The following NCKAP5 variants were observed in gnomAD, a reference collection of about 807,000 sequenced individuals.
NCKAP5 encodes the protein NCK associated protein 5.
Under a neutral mutation model 167.0 loss-of-function variants are expected in NCKAP5, and 92 were observed. The ratio of observed to expected loss-of-function variants is 0.55; its 90% confidence interval spans 0.47 to 0.66. NCKAP5 has a LOEUF of 0.66. Ranked by LOEUF, NCKAP5 falls within the 30% of genes least tolerant of loss-of-function variation. The pLI, the probability that NCKAP5 is intolerant of heterozygous loss-of-function variation, is 0.00. For missense variants in NCKAP5, 2,378 were observed against 2,315.0 expected (o/e 1.03, Z -0.56); for synonymous variants, 891 against 877.4 (o/e 1.02, Z -0.27).
At chr2:133,540,106 G>A (rs185466829) in intron 2 of NCKAP5, among the ~76,000 whole-genome samples, 9 of 151,570 alleles carry the variant, frequency 5.9e-5, no homozygotes, top group African/African-American at 1.7e-4. Context: ...GCTTGAACCC[G>A]GGAGGCAGAG....
At chr2:133,339,604 G>A (rs1029216056) in intron 3 of NCKAP5, among the ~76,000 whole-genome samples, 4 of 152,168 alleles carry the variant, frequency 2.6e-5, no homozygotes, top group Non-Finnish European at 5.9e-5. Context: ...ATTTATTTCT[G>A]CCAAGACAGA....
At chr2:132,862,633 G>A (rs767510860) in intron 10 of NCKAP5, among the ~76,000 whole-genome samples, 7 of 151,836 alleles carry the variant, frequency 4.6e-5, no homozygotes, top group Non-Finnish European at 1.0e-4. Flanking sequence ...AAGTGTGCAC[G>A]CCTGTAGTCC....
chr2:133,650,568 C>A, the NCKAP5 span, among the ~76,000 whole-genome samples: 2 of 152,084 alleles, frequency 1.3e-5, no homozygotes, highest in African/African-American at 4.8e-5. Flanking sequence ...ATGGGGTCAA[C>A]TGTTGTTTAA....
At chr2:132,975,496 C>T (rs759347093) in intron 7 of NCKAP5, among the ~76,000 whole-genome samples, 3 of 152,126 alleles carry the variant, frequency 2.0e-5, no homozygotes, top group African/African-American at 4.8e-5. Context: ...CTATCGGCAA[C>T]ACTTATTTCC....
At chr2:133,558,254 T>C (rs565617249) in intron 2 of NCKAP5, 5 of 152,324 alleles carry the variant, frequency 3.3e-5, no homozygotes, top group East Asian at 1.9e-4. Flanking sequence ...TCTTTTTCTC[T>C]GGTCTCTGGT....
At chr2:133,445,326 C>G (rs183574585) in intron 3 of NCKAP5, among the ~76,000 whole-genome samples, 1 of 152,024 alleles carries the variant, frequency 6.6e-6, no homozygotes, top group African/African-American at 2.4e-5. Context: ...AAAATAAAAT[C>G]CAAAGCAACT....
At chr2:133,140,229 T>A (rs1231843042) in intron 5 of NCKAP5, among the ~76,000 whole-genome samples, 1 of 152,212 alleles carries the variant, frequency 6.6e-6, no homozygotes, top group African/African-American at 2.4e-5. Flanking sequence ...TCCTTTTCTG[T>A]GGAGACAGTA....
At chr2:133,513,485 G>C (rs1048821660) in intron 3 of NCKAP5, among the ~76,000 whole-genome samples, 1 of 152,194 alleles carries the variant, frequency 6.6e-6, no homozygotes, top group African/African-American at 2.4e-5. Flanking sequence ...TGATTGGCCA[G>C]GTAGAGAAGG....
At chr2:133,270,028 G>T (rs2089437264) in intron 4 of NCKAP5, among the ~76,000 whole-genome samples, 1 of 152,134 alleles carries the variant, frequency 6.6e-6, no homozygotes, top group Admixed American at 6.5e-5. Context: ...AGCAAATTTT[G>T]GTGGAAGAAT....
At chr2:133,308,777 C>T (rs1446953421) in intron 3 of NCKAP5, among the ~76,000 whole-genome samples, 12 of 131,380 alleles carry the variant, frequency 9.1e-5, no homozygotes, top group Middle Eastern at 5.2e-3. Flanking sequence ...GGCGCAATCT[C>T]GGCTCACTGC....
At chr2:132,932,379 C>G (rs1696451986) in intron 8 of NCKAP5, among the ~76,000 whole-genome samples, 1 of 151,880 alleles carries the variant, frequency 6.6e-6, no homozygotes, top group Non-Finnish European at 1.5e-5. Context: ...GAAAGTTCCC[C>G]TAATTGTTAA....
intron 6 of NCKAP5, among the ~76,000 whole-genome samples, chr2:133,006,369 T>A (rs1001238425): frequency 6.6e-6 from 1 of 152,252 alleles, no homozygotes; most frequent in Non-Finnish European, 1.5e-5. Context: ...ATGCCAAATG[T>A]AGCTCACTTT....
intron 15 of NCKAP5, among the ~76,000 whole-genome samples, chr2:132,774,133 A>T (rs950870928): frequency 6.6e-6 from 1 of 152,180 alleles, no homozygotes; most frequent in East Asian, 1.9e-4. Flanking sequence ...TTATTTTCAG[A>T]CATATAACCT....
intron 8 of NCKAP5, 54 bp downstream of exon 8, chr2:132,963,666 A>C: frequency 6.4e-7 from 1 of 1,566,734 alleles, no homozygotes; most frequent in South Asian, 1.1e-5. Context: ...CCAATAAAAG[A>C]AGCAGAATAC....
chr2:132,974,909 CAG>C (rs2076936095), intron 7 of NCKAP5, among the ~76,000 whole-genome samples: 1 of 152,198 alleles, frequency 6.6e-6, no homozygotes, highest in South Asian at 2.1e-4. Context: ...AATGGAAATG[CAG>C]AGAGGCCAGC....
chr2:133,229,282 A>G (rs1313184914), intron 4 of NCKAP5, among the ~76,000 whole-genome samples: 3 of 152,204 alleles, frequency 2.0e-5, no homozygotes, highest in Non-Finnish European at 1.5e-5. Flanking sequence ...ATTATCATCT[A>G]TTTCACTGAC....
At chr2:132,722,626 G>A (rs1459258466) in intron 19 of NCKAP5, among the ~76,000 whole-genome samples, 1 of 151,948 alleles carries the variant, frequency 6.6e-6, no homozygotes, top group East Asian at 1.9e-4. Context: ...GACTCTCCTA[G>A]CCTCCCACCT....
chr2:133,528,906 C>T (rs1403836560), intron 2 of NCKAP5, among the ~76,000 whole-genome samples: 1 of 152,172 alleles, frequency 6.6e-6, no homozygotes, highest in Non-Finnish European at 1.5e-5. Context: ...CGGAAGAGCC[C>T]CTTTCACATT....
At chr2:133,579,854 G>C in the NCKAP5 span, among the ~76,000 whole-genome samples, 2 of 152,082 alleles carry the variant, frequency 1.3e-5, no homozygotes, top group Non-Finnish European at 2.9e-5. Flanking sequence ...ATGTCCCTCT[G>C]GGTATCACAT....
Sources: allele counts gnomAD v4.1 joint callset (sites outside exome capture counted in the v4.1 genomes callset), GRCh38; gene constraint gnomAD v4.1.1; transcripts MANE v1.5; gene names NCBI Gene and HGNC (gene_info 2026-07-23, HGNC 2026-07-21).